The following CMTM7 variants were observed in gnomAD, a reference collection of about 807,000 sequenced individuals.
CMTM7 encodes CKLF-like MARVEL transmembrane domain-containing protein 7.
CMTM7 carries 7 observed loss-of-function variants against 19.3 expected under a neutral mutation model. That is an observed-to-expected ratio of 0.36 (90% CI 0.21 to 0.68). The LOEUF is 0.68. Among genes scored for constraint, CMTM7 ranks in the 30% least tolerant of loss-of-function variants. CMTM7 has a pLI of 0.60. For synonymous variants in CMTM7, 87 were observed against 99.3 expected, an observed-to-expected ratio of 0.88 and a Z score of 0.74; for missense variants, 193 against 232.6, an observed-to-expected ratio of 0.83 and a Z score of 1.11.
At chr3:32,402,979 A>T (rs1345707697) in intron 1 of CMTM7, among the ~76,000 whole-genome samples, 1 of 152,238 alleles carries the variant, frequency 6.6e-6, no homozygotes. Flanking sequence ...TGGAAAGCAG[A>T]GAGAATTACT....
At chr3:32,441,774 C>T (rs965764598) in intron 1 of CMTM7, 66 bp from the exon 2 acceptor site, 12 of 1,435,340 alleles carry the variant, frequency 8.4e-6, no homozygotes, top group Non-Finnish European at 9.7e-6. Context: ...GGTTGTTTTC[C>T]GTTGTTTGTT....
chr3:32,419,612 G>A (rs1190194724), intron 1 of CMTM7, among the ~76,000 whole-genome samples: 2 of 152,092 alleles, frequency 1.3e-5, no homozygotes, highest in African/African-American at 2.4e-5. Context: ...GTCAAATGCC[G>A]CTTTTTCTGT....
At chr3:32,401,671 C>G (rs531538241) in intron 1 of CMTM7, among the ~76,000 whole-genome samples, 1 of 152,372 alleles carries the variant, frequency 6.6e-6, no homozygotes, top group South Asian at 2.1e-4. Flanking sequence ...CGCGCCGGGC[C>G]CAGCGTGCGG....
chr3:32,411,792 G>A (rs1176387643), intron 1 of CMTM7, among the ~76,000 whole-genome samples: 1 of 152,164 alleles, frequency 6.6e-6, no homozygotes, highest in Non-Finnish European at 1.5e-5. Context: ...GAAACACCCC[G>A]ACTTGGCCAG....
chr3:32,437,370 G>A (rs1696612353), intron 1 of CMTM7, among the ~76,000 whole-genome samples: 1 of 152,152 alleles, frequency 6.6e-6, no homozygotes, highest in Non-Finnish European at 1.5e-5. Flanking sequence ...GCTGAGACGG[G>A]TGGATCACTT....
intron 1 of CMTM7, among the ~76,000 whole-genome samples, chr3:32,420,204 G>A (rs900547605): frequency 6.6e-6 from 1 of 152,186 alleles, no homozygotes; most frequent in South Asian, 2.1e-4. Context: ...TGAACCTTTC[G>A]TCCATGTCTC....
intron 1 of CMTM7, among the ~76,000 whole-genome samples, chr3:32,416,361 A>C (rs1696262344): frequency 1.4e-5 from 1 of 72,442 alleles, no homozygotes; most frequent in Non-Finnish European, 2.5e-5. Context: ...ATCCGGGCTA[A>C]TTTTTTTTTT....
At chr3:32,432,492 C>T (rs1373661114) in intron 1 of CMTM7, among the ~76,000 whole-genome samples, 1 of 152,210 alleles carries the variant, frequency 6.6e-6, no homozygotes, top group Non-Finnish European at 1.5e-5. Flanking sequence ...GGAGCCACAG[C>T]CTCTATGGTG....
At chr3:32,399,298 G>A (rs1281051289) in intron 1 of CMTM7, among the ~76,000 whole-genome samples, 1 of 150,358 alleles carries the variant, frequency 6.7e-6, no homozygotes, top group Non-Finnish European at 1.5e-5. Flanking sequence ...AGGGATTAGG[G>A]TTATATTACA....
chr3:32,442,084 C>T, intron 2 of CMTM7, 71 bp downstream of exon 2: 1 of 1,419,110 alleles, frequency 7.0e-7, no homozygotes, highest in Non-Finnish European at 9.8e-7. Flanking sequence ...TGAGACCTGA[C>T]AGAGTTTTTC....
chr3:32,439,257 C>T (rs1353615331), intron 1 of CMTM7, among the ~76,000 whole-genome samples: 1 of 152,166 alleles, frequency 6.6e-6, no homozygotes. Flanking sequence ...TGTGTCACAG[C>T]CACACTCTTC....
chr3:32,417,191 A>C (rs1696280660), intron 1 of CMTM7, among the ~76,000 whole-genome samples: 1 of 152,200 alleles, frequency 6.6e-6, no homozygotes. Context: ...GAACAGTTCC[A>C]TCACCCTAAA....
At chr3:32,436,020 G>A (rs962917135) in intron 1 of CMTM7, among the ~76,000 whole-genome samples, 58 of 152,276 alleles carry the variant, frequency 3.8e-4, no homozygotes, top group Middle Eastern at 3.4e-3. Flanking sequence ...TCTGGTTTTC[G>A]GTATGCTGCA....
At chr3:32,402,340 G>T (rs1308324574) in intron 1 of CMTM7, among the ~76,000 whole-genome samples, 2 of 152,114 alleles carry the variant, frequency 1.3e-5, no homozygotes, top group South Asian at 2.1e-4. Context: ...TCGAACTCCT[G>T]ACCTCAAGTG....
chr3:32,446,023 C>T (rs1696748723), intron 2 of CMTM7, among the ~76,000 whole-genome samples: 1 of 152,100 alleles, frequency 6.6e-6, no homozygotes, highest in Non-Finnish European at 1.5e-5. Flanking sequence ...TAATACTGGC[C>T]TCACAGAATA....
At chr3:32,395,868 AACAAC>A (rs1437077270) in intron 1 of CMTM7, among the ~76,000 whole-genome samples, 1 of 152,258 alleles carries the variant, frequency 6.6e-6, no homozygotes, top group African/African-American at 2.4e-5. Flanking sequence ...AGAAAATGAA[AACAAC>A]ACAGTTGCCC....
chr3:32,434,610 T>C, intron 1 of CMTM7, among the ~76,000 whole-genome samples: 1 of 149,400 alleles, frequency 6.7e-6, no homozygotes, highest in African/African-American at 2.5e-5. Context: ...TCTTTTCTTT[T>C]TTTTTTTTTT....
intron 1 of CMTM7, among the ~76,000 whole-genome samples, chr3:32,435,520 T>A (rs1272464310): frequency 1.3e-5 from 2 of 152,256 alleles, no homozygotes; most frequent in Admixed American, 1.3e-4. Flanking sequence ...AATAAAAGAT[T>A]AAGTAGGTCA....
intron 1 of CMTM7, among the ~76,000 whole-genome samples, chr3:32,410,114 C>T (rs189503793): frequency 1.3e-5 from 2 of 152,288 alleles, no homozygotes; most frequent in East Asian, 1.9e-4. Context: ...GGAGGGCCTT[C>T]GTCAGCCCCT....
Sources: allele counts gnomAD v4.1 joint callset (sites outside exome capture counted in the v4.1 genomes callset), GRCh38; gene constraint gnomAD v4.1.1; transcripts MANE v1.5; gene names NCBI Gene and HGNC (gene_info 2026-07-23, HGNC 2026-07-21).